Variants in PTH1R observed in about 807,000 individuals in gnomAD.
PTH1R encodes parathyroid hormone 1 receptor.
PTH1R carries 32 observed loss-of-function variants against 70.7 expected under a neutral mutation model. The ratio of observed to expected loss-of-function variants is 0.45; its 90% confidence interval spans 0.34 to 0.61. PTH1R has a LOEUF of 0.61. PTH1R is among the 20% of genes least tolerant of loss of function. The pLI is 0.01. For missense variants in PTH1R, 626 were observed against 792.5 expected (o/e 0.79, Z 2.52); for synonymous variants, 329 against 324.8 (o/e 1.01, Z -0.14).
At position 46,879,766 on chromosome 3, in the gene PTH1R, G is replaced by A. The variant is rs1192120603; in HGVS notation, c.-105-1296G>A. ...TGTCTGGGGAAAAAAAAAATGCTGCGTGTGGTGGCTCACGCTTGTAATCTC... is the reference window on the plus strand; with the variant it reads ...TGTCTGGGGAAAAAAAAAATGCTGCATGTGGTGGCTCACGCTTGTAATCTC... On this transcript the variant is annotated intron_variant, in intron 1 of 15. Coordinates refer to ENST00000449590, the MANE Select transcript of PTH1R (RefSeq NM_000316.3). The surrounding 1 kb of genome is among the most constrained non-coding windows in gnomAD (Gnocchi z 4.7). 1.3e-5 allele frequency among the ~76,000 whole-genome samples: 2 copies of A among 151,506 alleles called. No homozygotes were observed. Among genetic ancestry groups the A allele is most frequent in the East Asian group, 3.9e-4 (2 of 5,148 alleles).
In PTH1R at chr3:46,902,952, G is replaced by A. The variant is rs1239666580; in HGVS notation, c.1395+162G>A. On this transcript the variant is annotated intron_variant, in intron 15 of 15. Coordinates refer to ENST00000449590, the MANE Select transcript of PTH1R (RefSeq NM_000316.3). This position sits in a 1 kb window ranked among gnomAD's most constrained non-coding sequence, Gnocchi z 5.4. ...AGAGAAGTCTTTCCAGATGATGCAG[G>A]TTCAGGATGTGCTAGGATGTGGGGA... is the stretch of plus-strand genomic sequence containing the variant. 8.0e-6 allele frequency: 9 copies of A among 1,127,978 alleles called. No individual in the cohort carries two copies. The highest frequency in any genetic ancestry group is 7.9e-6 in the Non-Finnish European group (6 of 763,268). The allele number at this position is 1,127,978 out of a possible 1,614,324, so 69.9% of individuals were successfully genotyped here. A position where few individuals can be genotyped will look rare whatever the true frequency, so the allele number is the denominator to read the frequency against.
intron 10 of PTH1R, among the ~76,000 whole-genome samples, chr3:46,899,733 T>C (rs1236492517): frequency 6.6e-6 from 1 of 152,152 alleles, no homozygotes; most frequent in African/African-American, 2.4e-5. Flanking sequence ...AAGATTCAGC[T>C]CAGGATCAGA....
At position 46,883,398 on chromosome 3, in the gene PTH1R, G is replaced by T; in HGVS notation, c.-48-114G>T. The T allele has an allele frequency of 3.9e-6, 1 of 258,910 alleles. No individual in the cohort carries two copies. Among genetic ancestry groups the T allele is most frequent in the Non-Finnish European group, 6.7e-6 (1 of 149,664 alleles). 16.0% of individuals were successfully genotyped at this position (258,910 alleles called of 1,614,324 possible). A position where few individuals can be genotyped will look rare whatever the true frequency, so the allele number is the denominator to read the frequency against. On this transcript the variant is annotated intron_variant, in intron 2 of 15. Transcript: ENST00000449590. This position sits in a 1 kb window ranked among gnomAD's most constrained non-coding sequence, Gnocchi z 6.4. The stretch of plus-strand genomic sequence containing the variant: ...GCTCGCTCGCTCGCCCTCAGCGCAT[G>T]GGCCCCGCGCCGGGCCCCGGGGCCT...
rs2031410295 is a variant in PTH1R, at chr3:46,891,431, C to T, written c.76-2476C>T. ...TAGGCCATCAGGGGTGACCCCCAGT[C>T]ATATCAGTAGGCTGGTCTGTCTGTT... On this transcript the variant is annotated intron_variant, in intron 3 of 15. Transcript: ENST00000449590. The surrounding 1 kb of genome is among the most constrained non-coding windows in gnomAD (Gnocchi z 4.3). Among the ~76,000 whole-genome samples, 1 of 152,240 alleles carries T rather than the reference C, an allele frequency of 6.6e-6. No homozygotes were observed.
intron 1 of PTH1R, chr3:46,880,234 C>T (rs1246766380): frequency 6.6e-6 from 1 of 152,270 alleles, no homozygotes; most frequent in Non-Finnish European, 1.5e-5. Context: ...AGGGGAGTGT[C>T]CTTTACACCA....
chr3:46,889,079 A>T (rs992961706), intron 3 of PTH1R, among the ~76,000 whole-genome samples: 2 of 152,168 alleles, frequency 1.3e-5, no homozygotes, highest in African/African-American at 4.8e-5. Flanking sequence ...GGCACGGGAG[A>T]CATCCAGGGG....
At position 46,900,037 on chromosome 3, in the gene PTH1R, G is replaced by A. The variant is rs149071632; in HGVS notation, c.988+581G>A. 4.3e-3 allele frequency among the ~76,000 whole-genome samples: 657 copies of A among 152,304 alleles called. 7 individuals carry two copies. The highest frequency in any genetic ancestry group is 0.014 in the African/African-American group (580 of 41,556). ...CCACAGGCTCTGGGATCCAGTTACC[G>A]ATAATTGTCCATTATTGTTGGCAGC... On this transcript the variant is annotated intron_variant, in intron 10 of 15. Transcript: ENST00000449590.
rs566936959 is a variant in PTH1R at position 46,903,188 on chromosome 3, C to T, written c.1396-82C>T. ...GAGTCCCCTATTCCCATTTTCATTC[C>T]GTGCTGGGTGTCCAGGGGCCGGGAT... On this transcript the variant is annotated intron_variant, in intron 15 of 15. Transcript: ENST00000449590. This position sits in a 1 kb window ranked among gnomAD's most constrained non-coding sequence, Gnocchi z 4.4. 705 of 1,578,852 alleles carry T rather than the reference C, an allele frequency of 4.5e-4. No homozygotes were observed. The Middle Eastern group carries it at 0.011, about 24-fold the overall frequency.
At position 46,898,380 on chromosome 3, in the gene PTH1R, GGT is replaced by G; in HGVS notation, c.549_550del (p.Phe184Ter). On this transcript the variant is annotated frameshift_variant, in exon 8 of 16. Coordinates refer to ENST00000449590, the MANE Select transcript of PTH1R (RefSeq NM_000316.3). LOFTEE classifies it high-confidence loss of function. ...GTGTCTCCCCCCGCCCCGCACAGGA[GGT>G]GTTTGACCGCCTGGGCATGATTTAC... The part of the protein sequence containing the change: ...FLTNETRERE[V>X]FDRLGMIYTV... The G allele has an allele frequency of 6.2e-7, 1 of 1,613,530 alleles. No homozygotes were observed. Among genetic ancestry groups the G allele is most frequent in the Non-Finnish European group, 8.5e-7 (1 of 1,179,770 alleles).
chr3:46,895,033 C>A (rs2031656099), intron 4 of PTH1R, among the ~76,000 whole-genome samples: 1 of 144,000 alleles, frequency 6.9e-6, no homozygotes, highest in Non-Finnish European at 1.5e-5. Flanking sequence ...CACTGCACTC[C>A]AGGCTGGGCG....
chr3:46,893,816 AG>A lies in PTH1R; in HGVS notation c.76-86del. 1 of 1,202,120 alleles carries A rather than the reference AG, an allele frequency of 8.3e-7. No homozygotes were observed. Among genetic ancestry groups the A allele is most frequent in the Non-Finnish European group, 1.2e-6 (1 of 822,168 alleles). The allele number at this position is 1,202,120 out of a possible 1,614,324, so 74.5% of individuals were successfully genotyped here. A position where few individuals can be genotyped will look rare whatever the true frequency, so the allele number is the denominator to read the frequency against. Reference sequence around the variant, plus strand: ...CCCTCTAGAGTCAGGGCCTTTTGAAAGGGGGTAGTCCCTCTGGGAAATTGGG... The same window carrying A: ...CCCTCTAGAGTCAGGGCCTTTTGAAAGGGGTAGTCCCTCTGGGAAATTGGG... On this transcript the variant is annotated intron_variant, in intron 3 of 15. Transcript: ENST00000449590. The surrounding 1 kb of genome is among the most constrained non-coding windows in gnomAD (Gnocchi z 5.2).
chr3:46,885,399 T>G (rs2030952625), intron 3 of PTH1R, among the ~76,000 whole-genome samples: 1 of 152,208 alleles, frequency 6.6e-6, no homozygotes, highest in Non-Finnish European at 1.5e-5. Context: ...GCAATTCACG[T>G]ACATTAGCTA....
chr3:46,903,495 G>A lies in PTH1R; in HGVS notation c.1621G>A (p.Gly541Arg). 1 of 1,613,892 alleles carries A rather than the reference G, an allele frequency of 6.2e-7. No homozygotes were observed. The highest frequency in any genetic ancestry group is 8.5e-7 in the Non-Finnish European group (1 of 1,180,010). Residue 541 changes from glycine (G) to arginine (R), a missense_variant, in exon 16 of 16, where the codon GGG (glycine) becomes AGG (arginine). This residue lies in a region of PTH1R where 495 missense variants were observed against 638.7 expected (regional missense o/e 0.77). Coordinates refer to ENST00000449590, the MANE Select transcript of PTH1R (RefSeq NM_000316.3). The surrounding 1 kb of genome is among the most constrained non-coding windows in gnomAD (Gnocchi z 4.4). ...TCAGCTGCCTGGCCATGCCAAGCCA[G>A]GGACCCCAGCCCTGGAGACCCTCGA... is the stretch of plus-strand genomic sequence containing the variant. ...HPQLPGHAKPGTPALETLETT... is the reference protein window; with the variant it reads ...HPQLPGHAKPRTPALETLETT...
Position 46,903,614 on chromosome 3 carries a change from G to A in PTH1R, c.1740G>A (p.Arg580=), listed in dbSNP as rs2032268334. The A allele has an allele frequency of 6.2e-7, 1 of 1,612,666 alleles. No individual in the cohort carries two copies. The highest frequency in any genetic ancestry group is 1.3e-5 in the African/African-American group (1 of 74,936). ...ACGAGGAGGCCTCTGGGCCTGAGCG[G>A]CCACCTGCCCTGCTACAGGAAGAGT... ...GLDEEASGPE[R]PPALLQEEWE... Residue 580 remains arginine, a synonymous_variant, in exon 16 of 16, where the codon CGG becomes CGA. Transcript: ENST00000449590. This position sits in a 1 kb window ranked among gnomAD's most constrained non-coding sequence, Gnocchi z 4.4.
At chr3:46,888,904 C>T (rs927438944) in intron 3 of PTH1R, among the ~76,000 whole-genome samples, 7 of 152,234 alleles carry the variant, frequency 4.6e-5, no homozygotes, top group African/African-American at 1.4e-4. Context: ...CCTCTTCCCC[C>T]CCAGCCCCTC....
chr3:46,898,978 C>A, intron 9 of PTH1R, 121 bp downstream of exon 9: 1 of 770,646 alleles, frequency 1.3e-6, no homozygotes, highest in Non-Finnish European at 2.0e-6. Flanking sequence ...TGGCTTCAGC[C>A]ACTCAAACCC....
rs1162845390 is a variant in PTH1R, at chr3:46,883,217, CG to C, written c.-48-289del. 1.4e-5 allele frequency: 3 copies of C among 208,898 alleles called. No individual in the cohort carries two copies. The highest frequency in any genetic ancestry group is 2.3e-5 in the African/African-American group (1 of 42,740). The allele number at this position is 208,898 out of a possible 1,614,324, so 12.9% of individuals were successfully genotyped here. On this transcript the variant is annotated intron_variant, in intron 2 of 15. Coordinates refer to ENST00000449590, the MANE Select transcript of PTH1R (RefSeq NM_000316.3). This position sits in a 1 kb window ranked among gnomAD's most constrained non-coding sequence, Gnocchi z 6.4. ...AGGGGGGCGGGGGGCGGGCCGGGGG[CG>C]GGGGGCCCGGCCATATGGATGTGAT...
chr3:46,882,935 G>A lies in PTH1R; in HGVS notation c.-48-577G>A, dbSNP rs1332897831. Among the ~76,000 whole-genome samples, 1 of 151,892 alleles carries A rather than the reference G, an allele frequency of 6.6e-6. No homozygotes were observed. The highest frequency in any genetic ancestry group is 1.5e-5 in the Non-Finnish European group (1 of 67,936). ...CCGGAACACCTAAGGGCTCAGTGTG[G>A]CTGCAAAGTTGAGATCGCACCCCCT... On this transcript the variant is annotated intron_variant, in intron 2 of 15. Coordinates refer to ENST00000449590, the MANE Select transcript of PTH1R (RefSeq NM_000316.3). The surrounding 1 kb of genome is among the most constrained non-coding windows in gnomAD (Gnocchi z 4.3).
At position 46,903,539 on chromosome 3, in the gene PTH1R, G is replaced by C. The variant is rs1477030850; in HGVS notation, c.1665G>C (p.Met555Ile). 1.6e-5 allele frequency: 26 copies of C among 1,613,920 alleles called. No individual in the cohort carries two copies. Among genetic ancestry groups the C allele is most frequent in the Non-Finnish European group, 2.1e-5 (25 of 1,180,046 alleles). Reference protein sequence around the residue: ...LETLETTPPAMAAPKDDGFLN... With the variant: ...LETLETTPPAIAAPKDDGFLN... ...CCCTCGAGACCACACCACCTGCCAT[G>C]GCTGCTCCCAAGGACGATGGGTTCC... Residue 555 changes from methionine (M) to isoleucine (I), a missense_variant, in exon 16 of 16, where the codon ATG (methionine) becomes ATC (isoleucine). By Grantham distance (10) the Met-to-Ile change is conservative. Coordinates refer to ENST00000449590, the MANE Select transcript of PTH1R (RefSeq NM_000316.3). The surrounding 1 kb of genome is among the most constrained non-coding windows in gnomAD (Gnocchi z 4.4).
Sources: allele counts gnomAD v4.1 joint callset (sites outside exome capture counted in the v4.1 genomes callset), GRCh38; gene constraint gnomAD v4.1.1; regional missense constraint gnomAD v4.1.1; non-coding constraint Gnocchi (gnomAD v3.1); transcripts MANE v1.5; gene names NCBI Gene and HGNC (gene_info 2026-07-23, HGNC 2026-07-21).